PCDHGB2: variants seen among roughly 807,000 people sequenced by gnomAD.
PCDHGB2 encodes the protein protocadherin gamma-B2.
PCDHGB2 carries 55 observed loss-of-function variants against 59.3 expected under a neutral mutation model. The observed-to-expected ratio is 0.93, with a 90% CI of 0.75 to 1.16. The LOEUF is 1.16. PCDHGB2 is among the 50% of genes most tolerant of loss of function. The pLI is 0.00. For missense variants in PCDHGB2, 1,228 were observed against 1,198.5 expected, an observed-to-expected ratio of 1.02 and a Z score of -0.36; for synonymous variants, 516 against 512.0, an observed-to-expected ratio of 1.01 and a Z score of -0.11.
intron 2 of PCDHGB2, among the ~76,000 whole-genome samples, chr5:141,495,700 T>A (rs2099763052): frequency 6.6e-6 from 1 of 152,228 alleles, no homozygotes; most frequent in Non-Finnish European, 1.5e-5. Flanking sequence ...GCTCAATAAA[T>A]GTGGAGTGAG....
rs370704204 is a variant in PCDHGB2, at chr5:141,389,625, G to A, written c.2421+27069G>A. On this transcript the variant is annotated intron_variant, in intron 1 of 3. Coordinates refer to ENST00000522605, the MANE Select transcript of PCDHGB2 (RefSeq NM_018923.3). The stretch of plus-strand genomic sequence containing the variant: ...CTTCGATATGGTGCCGCACGCTGCA[G>A]AGCCTGGCTACTTGGTGACCAAGGT... 6 of 1,613,020 alleles carry A rather than the reference G, an allele frequency of 3.7e-6. No individual in the cohort carries two copies. The Admixed American group carries it at 5.0e-5, about 13-fold the overall frequency.
At position 141,476,458 on chromosome 5, in the gene PCDHGB2, C is replaced by A. The variant is rs368153419; in HGVS notation, c.2422-18349C>A. Reference sequence around the variant, plus strand: ...TAACTCTGGAGTTGGTAGTGGAGAACCCGCTGGAGCTGTTCAGCGTGGAAG... The same window carrying A: ...TAACTCTGGAGTTGGTAGTGGAGAAACCGCTGGAGCTGTTCAGCGTGGAAG... On this transcript the variant is annotated intron_variant, in intron 1 of 3. Transcript: ENST00000522605. This position sits in a 1 kb window ranked among gnomAD's most constrained non-coding sequence, Gnocchi z 7.6. 1 of 1,613,928 alleles carries A rather than the reference C, an allele frequency of 6.2e-7. No individual in the cohort carries two copies. Among genetic ancestry groups the A allele is most frequent in the Non-Finnish European group, 8.5e-7 (1 of 1,180,022 alleles).
At chr5:141,442,974 A>C (rs1444888648) in intron 1 of PCDHGB2, among the ~76,000 whole-genome samples, 1 of 152,176 alleles carries the variant, frequency 6.6e-6, no homozygotes, top group Non-Finnish European at 1.5e-5. Flanking sequence ...CTGGCTGATA[A>C]AGTTAGCCTA....
chr5:141,487,348 C>T lies in PCDHGB2; in HGVS notation c.2422-7459C>T, dbSNP rs929693998. ...GTGGGGCAGCCTGTGGAGTCACATG[C>T]TTTCCTGCTGGCACCTGTGCCTGTC... On this transcript the variant is annotated intron_variant, in intron 1 of 3. Coordinates refer to ENST00000522605, the MANE Select transcript of PCDHGB2 (RefSeq NM_018923.3). The surrounding 1 kb of genome is among the most constrained non-coding windows in gnomAD (Gnocchi z 5.0). The T allele has an allele frequency of 2.5e-6, 4 of 1,614,080 alleles. No homozygotes were observed. The highest frequency in any genetic ancestry group is 2.2e-5 in the East Asian group (1 of 44,882).
At chr5:141,501,334 C>CA (rs2099808390) in intron 2 of PCDHGB2, among the ~76,000 whole-genome samples, 1 of 145,376 alleles carries the variant, frequency 6.9e-6, no homozygotes, top group Non-Finnish European at 1.5e-5. Flanking sequence ...CACACACACA[C>CA]CCCAAACTCA....
intron 1 of PCDHGB2, among the ~76,000 whole-genome samples, chr5:141,443,756 A>G (rs1234457212): frequency 6.6e-6 from 1 of 152,232 alleles, no homozygotes; most frequent in Non-Finnish European, 1.5e-5. Flanking sequence ...TTGGAAGCTT[A>G]CAATATACAA....
chr5:141,486,425 A>C lies in PCDHGB2; in HGVS notation c.2422-8382A>C. The C allele has an allele frequency of 6.2e-7, 1 of 1,614,228 alleles. No homozygotes were observed. On this transcript the variant is annotated intron_variant, in intron 1 of 3. Transcript: ENST00000522605. This position sits in a 1 kb window ranked among gnomAD's most constrained non-coding sequence, Gnocchi z 5.0. Reference sequence around the variant, plus strand: ...TGCTGGACCCTTGGATCGAGAGGCCAAATCTAGCTATGACATCATGGTCAC... The same window carrying C: ...TGCTGGACCCTTGGATCGAGAGGCCCAATCTAGCTATGACATCATGGTCAC...
intron 1 of PCDHGB2, among the ~76,000 whole-genome samples, chr5:141,450,829 ATTT>A (rs373424450): frequency 7.4e-6 from 1 of 135,126 alleles, no homozygotes; most frequent in African/African-American, 2.7e-5. Flanking sequence ...TATTATTATT[ATTT>A]TTTTTTTTTT....
At chr5:141,449,280 C>G (rs934214922) in intron 1 of PCDHGB2, among the ~76,000 whole-genome samples, 1 of 151,944 alleles carries the variant, frequency 6.6e-6, no homozygotes, top group East Asian at 1.9e-4. Context: ...CTCCTTCACC[C>G]GGATGCACCG....
At chr5:141,424,894 T>C (rs868851823) in intron 1 of PCDHGB2, among the ~76,000 whole-genome samples, 44 of 152,320 alleles carry the variant, frequency 2.9e-4, no homozygotes, top group African/African-American at 9.9e-4. Flanking sequence ...TCTAGGGTTT[T>C]TGATCACAGG....
At position 141,486,061 on chromosome 5, in the gene PCDHGB2, C is replaced by T. The variant is rs1280895997; in HGVS notation, c.2422-8746C>T. 2 of 1,614,166 alleles carry T rather than the reference C, an allele frequency of 1.2e-6. No individual in the cohort carries two copies. Among genetic ancestry groups the T allele is most frequent in the South Asian group, 1.1e-5 (1 of 91,078 alleles). On this transcript the variant is annotated intron_variant, in intron 1 of 3. Coordinates refer to ENST00000522605, the MANE Select transcript of PCDHGB2 (RefSeq NM_018923.3). The surrounding 1 kb of genome is among the most constrained non-coding windows in gnomAD (Gnocchi z 5.0). ...GTGTAAGAAACCTCTTTAGCCTGCA[C>T]CCCACTACTGGAAAGCTTACTCTTT...
chr5:141,383,817 A>T, intron 1 of PCDHGB2: 1 of 1,613,926 alleles, frequency 6.2e-7, no homozygotes, highest in Non-Finnish European at 8.5e-7. Context: ...CTTTAGAAGG[A>T]TTAGATTATG....
At chr5:141,459,427 G>A (rs1489214494) in intron 1 of PCDHGB2, among the ~76,000 whole-genome samples, 2 of 152,228 alleles carry the variant, frequency 1.3e-5, no homozygotes, top group Non-Finnish European at 2.9e-5. Flanking sequence ...ATATCACAAT[G>A]TGTTCATTCA....
chr5:141,423,969 C>G, intron 1 of PCDHGB2: 1 of 1,147,718 alleles, frequency 8.7e-7, no homozygotes, highest in Non-Finnish European at 1.1e-6. Flanking sequence ...TTTCTATTAT[C>G]AGTGTATGAG....
intron 1 of PCDHGB2, among the ~76,000 whole-genome samples, chr5:141,407,131 T>C (rs1164616354): frequency 6.6e-6 from 1 of 152,226 alleles, no homozygotes; most frequent in African/African-American, 2.4e-5. Context: ...TGCTTTATTT[T>C]TAAGAAAAAA....
In PCDHGB2 at chr5:141,512,848, G is replaced by C. The variant is rs1362051688; in HGVS notation, c.*1675G>C. The C allele has an allele frequency of 6.6e-6, 1 of 152,216 alleles. No individual in the cohort carries two copies. 9.4% of individuals were successfully genotyped at this position (152,216 alleles called of 1,614,324 possible). ...CCCCGTACTGACTTCTCCTATAAGC[G>C]CTTCTCTTCGCATAGTCACGTAGCT... On this transcript the variant is annotated 3_prime_UTR_variant, in exon 4 of 4. Transcript: ENST00000522605.
chr5:141,373,769 T>A (rs1466229132), intron 1 of PCDHGB2: 3 of 255,350 alleles, frequency 1.2e-5, no homozygotes, highest in Non-Finnish European at 2.2e-5. Flanking sequence ...ATGAGTGTCA[T>A]CTCTGCAGAT....
At chr5:141,422,420 C>A in intron 1 of PCDHGB2, 2 of 1,607,576 alleles carry the variant, frequency 1.2e-6, no homozygotes, top group Non-Finnish European at 1.7e-6. Context: ...TTAGAAAAGA[C>A]TTATGGAAAT....
At chr5:141,376,652 C>T (rs1030026607) in intron 1 of PCDHGB2, 3 of 877,708 alleles carry the variant, frequency 3.4e-6, no homozygotes, top group East Asian at 2.7e-5. Context: ...AAGTGGAAGA[C>T]TCCCTTGTTC....
Sources: gnomAD v4.1 joint callset for allele counts (sites outside exome capture counted in the v4.1 genomes callset) on GRCh38, gnomAD v4.1.1 for gene constraint, Gnocchi (gnomAD v3.1) non-coding constraint, MANE v1.5 for transcripts, NCBI Gene and HGNC (gene_info 2026-07-23, HGNC 2026-07-21) for gene names.